Variants in LOXHD1 observed in about 807,000 individuals in gnomAD.
The protein encoded by LOXHD1 is lipoxygenase homology PLAT domains 1, also known as lipoxygenase homology domain-containing protein 1.
LOXHD1 carries 205 observed loss-of-function variants against 248.2 expected under a neutral mutation model. That is an observed-to-expected ratio of 0.83 (90% CI 0.74 to 0.93). The LOEUF (loss-of-function observed/expected upper bound fraction) is 0.93, where lower values mean the gene tolerates loss of function less well. Among genes scored for constraint, LOXHD1 ranks in the 40% least tolerant of loss-of-function variants. The pLI is 0.00. For missense variants in LOXHD1, 2,930 were observed against 2,971.6 expected (o/e 0.99, Z 0.33); for synonymous variants, 1,113 against 1,162.8 (o/e 0.96, Z 0.87).
At chr18:46,542,478 C>T (rs1189438390) in intron 24 of LOXHD1, among the ~76,000 whole-genome samples, 2 of 152,124 alleles carry the variant, frequency 1.3e-5, no homozygotes, top group East Asian at 3.9e-4. Flanking sequence ...ATTAAAATTA[C>T]CGACACTGGG....
chr18:46,592,342 C>T (rs1331981249), intron 11 of LOXHD1, among the ~76,000 whole-genome samples, 156 bp downstream of exon 11: 1 of 152,178 alleles, frequency 6.6e-6, no homozygotes, highest in Non-Finnish European at 1.5e-5. Context: ...TAGGAAGTCC[C>T]TGTGGCCTGT....
intron 34 of LOXHD1, among the ~76,000 whole-genome samples, chr18:46,516,174 G>C (rs1338913318): frequency 6.6e-6 from 1 of 152,124 alleles, no homozygotes; most frequent in Non-Finnish European, 1.5e-5. Context: ...CTACTTACTT[G>C]CTGTATAACC....
Position 46,594,370 on chromosome 18 carries a change from G to T in LOXHD1, c.1231C>A (p.Leu411Ile), listed in dbSNP as rs750094027. ...TTCCTGAGAGACACCATCTCATAGA[G>T]CTGCCTCTCAATCAACCCATCCGCT... The part of the protein sequence containing the change: ...KKADGLIERQ[L>I]YEMVSLRKKR... The change falls in exon 9 of 41, where the codon CTC (leucine) becomes ATC (isoleucine). Residue 411 changes from leucine (L) to isoleucine (I), a missense_variant. By Grantham distance (5) the Leu-to-Ile change is conservative (BLOSUM62 2). Coordinates refer to ENST00000642948, the MANE Select transcript of LOXHD1 (RefSeq NM_001384474.1). 2.6e-6 allele frequency: 4 copies of T among 1,551,632 alleles called. No homozygotes were observed. The South Asian group carries it at 3.6e-5, about 14-fold the overall frequency.
intron 4 of LOXHD1, among the ~76,000 whole-genome samples, chr18:46,632,597 C>T (rs1487555649): frequency 2.6e-5 from 4 of 152,068 alleles, no homozygotes; most frequent in African/African-American, 7.2e-5. Flanking sequence ...AAGAAATCCA[C>T]CAGGAAGACA....
intron 31 of LOXHD1, among the ~76,000 whole-genome samples, chr18:46,522,588 C>A (rs2035632157): frequency 6.6e-6 from 1 of 152,172 alleles, no homozygotes; most frequent in Non-Finnish European, 1.5e-5. Context: ...GACCAATTAT[C>A]CTACTTGAAC....
At chr18:46,547,846 T>C (rs965187881) in intron 21 of LOXHD1, among the ~76,000 whole-genome samples, 1 of 152,178 alleles carries the variant, frequency 6.6e-6, no homozygotes, top group Non-Finnish European at 1.5e-5. Context: ...ATGCATAACG[T>C]TTTAAGTGTG....
At chr18:46,638,007 A>G (rs1383879515) in intron 4 of LOXHD1, among the ~76,000 whole-genome samples, 1 of 152,204 alleles carries the variant, frequency 6.6e-6, no homozygotes, top group Non-Finnish European at 1.5e-5. Flanking sequence ...AGCACAGTAC[A>G]AATGTCCAAT....
intron 28 of LOXHD1, among the ~76,000 whole-genome samples, chr18:46,532,224 A>G (rs1478119036): frequency 2.6e-5 from 4 of 152,174 alleles, no homozygotes; most frequent in Admixed American, 1.3e-4. Flanking sequence ...TTCTTTTTCT[A>G]TCATCAGGGG....
At chr18:46,538,705 T>G (rs572276325) in intron 25 of LOXHD1, among the ~76,000 whole-genome samples, 7 of 152,324 alleles carry the variant, frequency 4.6e-5, no homozygotes, top group Admixed American at 1.3e-4. Context: ...ATTCTGAGCC[T>G]CAGTGTCCAT....
intron 12 of LOXHD1, among the ~76,000 whole-genome samples, chr18:46,580,741 G>A (rs1382651326): frequency 6.6e-6 from 1 of 152,212 alleles, no homozygotes; most frequent in African/African-American, 2.4e-5. Flanking sequence ...ATCTTGGAGT[G>A]GTAAGGAGTG....
At chr18:46,504,429 A>G (rs891098855) in intron 37 of LOXHD1, among the ~76,000 whole-genome samples, 11 of 152,192 alleles carry the variant, frequency 7.2e-5, no homozygotes, top group Non-Finnish European at 1.3e-4. Flanking sequence ...TTGAGAATCA[A>G]ATGTTTGTAT....
rs2032930378 is a variant in LOXHD1, at chr18:46,485,072, G to C, written c.6129C>G (p.Asn2043Lys). 10 of 1,550,574 alleles carry C rather than the reference G, an allele frequency of 6.4e-6. No individual in the cohort carries two copies. The highest frequency in any genetic ancestry group is 8.7e-6 in the Non-Finnish European group (10 of 1,146,738). Residue 2043 changes from asparagine to lysine, a missense_variant, in exon 39 of 41, where the codon AAC (asparagine) becomes AAG (lysine). Transcript: ENST00000642948. ...TTTCCATGAGAAACTCTTTGGATCGGTTCTTCCTGCCCTCCAGGATGAGCC... is the reference window on the plus strand; with the variant it reads ...TTTCCATGAGAAACTCTTTGGATCGCTTCTTCCTGCCCTCCAGGATGAGCC... Reference protein sequence around the residue: ...NVWLILEGRKNRSKEFLMENS... With the variant: ...NVWLILEGRKKRSKEFLMENS...
chr18:46,480,841 C>G (rs2032499128), intron 40 of LOXHD1, among the ~76,000 whole-genome samples: 1 of 152,164 alleles, frequency 6.6e-6, no homozygotes, highest in Admixed American at 6.5e-5. Context: ...TTTTTACTTT[C>G]TTTTACATAC....
intron 16 of LOXHD1, among the ~76,000 whole-genome samples, chr18:46,567,481 G>A (rs953379907): frequency 2.6e-5 from 4 of 152,360 alleles, no homozygotes; most frequent in Non-Finnish European, 4.4e-5. Flanking sequence ...CTGTGTGCAT[G>A]TCAAGGGACA....
chr18:46,483,126 G>T (rs991248600), intron 40 of LOXHD1, among the ~76,000 whole-genome samples: 1 of 152,202 alleles, frequency 6.6e-6, no homozygotes, highest in Non-Finnish European at 1.5e-5. Context: ...GGGGTACTGT[G>T]AGGCAGATGG....
At chr18:46,583,811 A>C (rs779429883) in intron 12 of LOXHD1, among the ~76,000 whole-genome samples, 6 of 151,428 alleles carry the variant, frequency 4.0e-5, no homozygotes, top group Non-Finnish European at 2.9e-5. Context: ...TAGAAGAACC[A>C]CATGATCCAA....
chr18:46,536,554 T>C (rs2036318779), intron 26 of LOXHD1, among the ~76,000 whole-genome samples: 1 of 152,120 alleles, frequency 6.6e-6, no homozygotes, highest in South Asian at 2.1e-4. Context: ...AGCTGTCTAT[T>C]AGTGGGGACT....
At chr18:46,518,622 C>T (rs1370816869) in intron 33 of LOXHD1, among the ~76,000 whole-genome samples, 2 of 152,248 alleles carry the variant, frequency 1.3e-5, no homozygotes, top group Admixed American at 1.3e-4. Context: ...ATGTGAATCC[C>T]AGACCTGCCA....
rs540548837 is a variant in LOXHD1, at chr18:46,505,965, C to G, written c.5751G>C (p.Gly1917=). The G allele has an allele frequency of 1.3e-6, 2 of 1,552,204 alleles. No individual in the cohort carries two copies. Among genetic ancestry groups the G allele is most frequent in the Non-Finnish European group, 1.7e-6 (2 of 1,147,108 alleles). ...IIIFGENGDS[G]TLALKQSANW... ...TTGCCGACTGCTTCAGGGCCAGTGT[C>G]CCACTATCCCCGTTCTCCCCGAAGA... is the stretch of plus-strand genomic sequence containing the variant. Residue 1917 remains glycine (G), a synonymous_variant, in exon 37 of 41, where the codon GGG becomes GGC. Coordinates refer to ENST00000642948, the MANE Select transcript of LOXHD1 (RefSeq NM_001384474.1).
Sources: gnomAD v4.1 joint callset for allele counts (sites outside exome capture counted in the v4.1 genomes callset) on GRCh38, gnomAD v4.1.1 for gene constraint, MANE v1.5 for transcripts, NCBI Gene and HGNC (gene_info 2026-07-23, HGNC 2026-07-21) for gene names.